SIPA1L1: variants seen among roughly 807,000 people sequenced by gnomAD.
SIPA1L1 encodes the protein signal-induced proliferation-associated 1-like protein 1.
Under a neutral mutation model 162.7 loss-of-function variants are expected in SIPA1L1, and 26 were observed. The observed-to-expected ratio is 0.16, with a 90% CI of 0.12 to 0.22. The LOEUF is 0.22. Ranked by LOEUF, SIPA1L1 falls within the 10% of genes least tolerant of loss-of-function variation. The pLI is 1.00. For synonymous variants in SIPA1L1, 829 were observed against 837.4 expected (o/e 0.99, Z 0.17); for missense variants, 1,874 against 2,241.0 (o/e 0.84, Z 3.31).
intron 2 of SIPA1L1, among the ~76,000 whole-genome samples, chr14:71,331,312 C>T (rs1297685273): frequency 6.6e-5 from 10 of 152,102 alleles, no homozygotes; most frequent in Admixed American, 3.9e-4. Flanking sequence ...GTTCTGAAAT[C>T]GGGAAGTATA....
intron 7 of SIPA1L1, among the ~76,000 whole-genome samples, chr14:71,637,482 C>A (rs1364482342): frequency 6.6e-6 from 1 of 152,050 alleles, no homozygotes; most frequent in Non-Finnish European, 1.5e-5. Context: ...ATAATCTCAG[C>A]AACTCAGGAG....
Position 71,587,824 on chromosome 14 carries a change from G to A in SIPA1L1, c.-49G>A. ...AAGGGAAGTGCACATTTAAAACACA[G>A]ATATGATGGTCCTTGCTGCAGGGAT... On this transcript the variant is annotated 5_prime_UTR_variant, in exon 5 of 24. Coordinates refer to ENST00000381232, the MANE Select transcript of SIPA1L1 (RefSeq NM_001386936.1). 6.5e-7 allele frequency: 1 copy of A among 1,537,780 alleles called. No homozygotes were observed. The highest frequency in any genetic ancestry group is 8.8e-7 in the Non-Finnish European group (1 of 1,130,996).
At chr14:71,590,132 TAC>T (rs1475938875) in intron 5 of SIPA1L1, among the ~76,000 whole-genome samples, 2 of 149,898 alleles carry the variant, frequency 1.3e-5, no homozygotes, top group African/African-American at 2.4e-5. Context: ...TTTGAGATTA[TAC>T]ACAGTTTTAT....
intron 3 of SIPA1L1, among the ~76,000 whole-genome samples, chr14:71,522,346 A>G (rs1414342542): frequency 6.6e-6 from 1 of 152,128 alleles, no homozygotes; most frequent in Non-Finnish European, 1.5e-5. Context: ...TCTGGATTCA[A>G]GGATTGGTGT....
rs2149900051 is a variant in SIPA1L1 at position 71,705,277 on chromosome 14, C to A, written c.3702C>A (p.Ser1234Arg). 6.2e-7 allele frequency: 1 copy of A among 1,614,114 alleles called. No homozygotes were observed. Among genetic ancestry groups the A allele is most frequent in the Admixed American group, 1.7e-5 (1 of 60,028 alleles). Residue 1234 changes from serine (S) to arginine (R), a missense_variant, in exon 16 of 24, where the codon AGC (serine) becomes AGA (arginine). Ser to Arg is a moderately radical substitution (Grantham distance 110, BLOSUM62 -1). Coordinates refer to ENST00000381232, the MANE Select transcript of SIPA1L1 (RefSeq NM_001386936.1). ...VSKVLPAFRE[S>R]PSGRLMRQDP... ...AGGTACTGCCAGCTTTCCGAGAGAG[C>A]CCCAGTGGGAGATTAATGCGGCAGG... is the stretch of plus-strand genomic sequence containing the variant.
chr14:71,349,673 GT>G (rs2036502150), intron 2 of SIPA1L1, among the ~76,000 whole-genome samples: 1 of 152,180 alleles, frequency 6.6e-6, no homozygotes, highest in Non-Finnish European at 1.5e-5. Context: ...AGCCAGGATG[GT>G]TTCAATATTA....
chr14:71,702,690 C>T (rs1052411872), intron 15 of SIPA1L1, among the ~76,000 whole-genome samples, 185 bp downstream of exon 15: 1 of 152,260 alleles, frequency 6.6e-6, no homozygotes. Context: ...AAAAGGAATT[C>T]TAAGTGACCC....
chr14:71,689,301 A>G (rs968510137), intron 13 of SIPA1L1, among the ~76,000 whole-genome samples: 4 of 152,186 alleles, frequency 2.6e-5, no homozygotes, highest in African/African-American at 9.6e-5. Context: ...TCTAATTTCT[A>G]TTTGGTTTAA....
intron 2 of SIPA1L1, among the ~76,000 whole-genome samples, chr14:71,468,005 G>GGTGTGTGTGTGTGTGTGTGT (rs56265408): frequency 7.1e-6 from 1 of 141,594 alleles, no homozygotes; most frequent in Non-Finnish European, 1.5e-5. Flanking sequence ...CAGTTAGAGG[G>GGTGTGTGTGTGTGTGTGTGT]GTGTGTGTGT....
chr14:71,644,257 G>C (rs2041969948), intron 7 of SIPA1L1, among the ~76,000 whole-genome samples: 1 of 151,934 alleles, frequency 6.6e-6, no homozygotes, highest in Non-Finnish European at 1.5e-5. Context: ...TTTTGAGACA[G>C]GGTTGCACTC....
chr14:71,406,982 C>T (rs1373029414), intron 2 of SIPA1L1, among the ~76,000 whole-genome samples: 1 of 152,162 alleles, frequency 6.6e-6, no homozygotes, highest in Non-Finnish European at 1.5e-5. Flanking sequence ...TGGCTCACAC[C>T]TGTAATCCCA....
intron 2 of SIPA1L1, among the ~76,000 whole-genome samples, chr14:71,404,318 CAGATCA>C (rs2140121814): frequency 6.6e-6 from 1 of 152,238 alleles, no homozygotes; most frequent in South Asian, 2.1e-4. Flanking sequence ...ACTTTGTGGG[CAGATCA>C]TCTGAGGTCA....
Position 71,671,117 on chromosome 14 carries a change from A to C in SIPA1L1, c.2256-2A>C. 6.3e-7 allele frequency: 1 copy of C among 1,583,486 alleles called. No homozygotes were observed. Among genetic ancestry groups the C allele is most frequent in the Non-Finnish European group, 8.6e-7 (1 of 1,164,052 alleles). On this transcript the variant is annotated splice_acceptor_variant, in intron 10 of 23. Transcript: ENST00000381232. LOFTEE classifies it high-confidence loss of function. ...TGGCTCTCTTTGATCTTTGTCTCTC[A>C]GTGTGGCTGTTACCAGGTCCAGAGA...
intron 2 of SIPA1L1, among the ~76,000 whole-genome samples, chr14:71,383,963 C>G (rs1260865095): frequency 6.6e-6 from 1 of 152,154 alleles, no homozygotes; most frequent in East Asian, 1.9e-4. Flanking sequence ...ATTACCTATT[C>G]TCTGGGGCTT....
chr14:71,710,509 G>C (rs995383608), intron 17 of SIPA1L1, among the ~76,000 whole-genome samples: 5 of 152,114 alleles, frequency 3.3e-5, no homozygotes, highest in African/African-American at 1.2e-4. Context: ...GATTATGACC[G>C]CAAGAAAAAT....
chr14:71,384,087 A>G (rs2040126560), intron 2 of SIPA1L1, among the ~76,000 whole-genome samples: 1 of 152,024 alleles, frequency 6.6e-6, no homozygotes, highest in African/African-American at 2.4e-5. Context: ...TTTTTTTCTC[A>G]GCCAGACTGC....
chr14:71,397,803 C>T (rs1181422489), intron 2 of SIPA1L1, among the ~76,000 whole-genome samples: 1 of 152,072 alleles, frequency 6.6e-6, no homozygotes, highest in African/African-American at 2.4e-5. Flanking sequence ...TTCTTTTGTT[C>T]AGGCAGCCTT....
At chr14:71,719,538 T>C (rs2083530808) in intron 17 of SIPA1L1, among the ~76,000 whole-genome samples, 1 of 152,176 alleles carries the variant, frequency 6.6e-6, no homozygotes, top group African/African-American at 2.4e-5. Flanking sequence ...ACCGATGATG[T>C]TGAGCACCAG....
intron 2 of SIPA1L1, among the ~76,000 whole-genome samples, chr14:71,467,852 T>TAAAAAAAAAAA (rs11394096): frequency 1.5e-5 from 2 of 135,780 alleles, no homozygotes; most frequent in African/African-American, 2.7e-5. Flanking sequence ...CCCCATCTCT[T>TAAAAAAAAAAA]AAAAAAAAAA....
Sources: allele counts gnomAD v4.1 joint callset (sites outside exome capture counted in the v4.1 genomes callset), GRCh38; gene constraint gnomAD v4.1.1; transcripts MANE v1.5; gene names NCBI Gene and HGNC (gene_info 2026-07-23, HGNC 2026-07-21).